The following SCFD1 variants were observed in gnomAD, a reference collection of about 807,000 sequenced individuals.
SCFD1 encodes the protein sec1 family domain-containing protein 1.
Under a neutral mutation model 103.2 loss-of-function variants are expected in SCFD1, and 37 were observed. The observed-to-expected ratio is 0.36, with a 90% confidence interval of 0.28 to 0.47. The LOEUF (loss-of-function observed/expected upper bound fraction) is 0.47. Ranked by LOEUF, SCFD1 falls within the 20% of genes least tolerant of loss-of-function variation. SCFD1 has a pLI of 1.00. For missense variants in SCFD1, 639 were observed against 761.2 expected (o/e 0.84, Z 1.89); for synonymous variants, 264 against 245.0 (o/e 1.08, Z -0.73).
chr14:30,625,080 C>T (rs1199440647), intron 1 of SCFD1, among the ~76,000 whole-genome samples: 1 of 151,396 alleles, frequency 6.6e-6, no homozygotes, highest in East Asian at 1.9e-4. Flanking sequence ...ATATGTTTTA[C>T]TTTTTTTTTA....
Position 30,643,356 on chromosome 14 carries a change from T to A in SCFD1, c.564T>A (p.Thr188=), listed in dbSNP as rs111809954. Residue 188 remains threonine (T), a synonymous_variant, in exon 7 of 25, where the codon ACT becomes ACA. Transcript: ENST00000458591. Reference sequence around the variant, plus strand: ...ATATCACAGACACGGAAATGGAAACTGTTATGGACACTATAGTTGACAGCC... The same window carrying A: ...ATATCACAGACACGGAAATGGAAACAGTTATGGACACTATAGTTGACAGCC... The part of the protein sequence containing the change: ...RPDITDTEME[T]VMDTIVDSLF... 6.2e-7 allele frequency: 1 copy of A among 1,613,716 alleles called. No individual in the cohort carries two copies. Among genetic ancestry groups the A allele is most frequent in the African/African-American group, 1.3e-5 (1 of 74,924 alleles).
chr14:30,665,798 G>T (rs981007539), intron 10 of SCFD1, among the ~76,000 whole-genome samples: 31 of 152,058 alleles, frequency 2.0e-4, no homozygotes, highest in African/African-American at 7.0e-4. Flanking sequence ...GACAAAGAAG[G>T]CCATTACATA....
chr14:30,631,359 TA>T (rs974993788), intron 3 of SCFD1, among the ~76,000 whole-genome samples: 1 of 151,788 alleles, frequency 6.6e-6, no homozygotes, highest in Non-Finnish European at 1.5e-5. Context: ...TCTCAAAATT[TA>T]AAAAAAATTA....
At chr14:30,734,545 A>G (rs1248861326) in intron 23 of SCFD1, 1 of 417,464 alleles carries the variant, frequency 2.4e-6, no homozygotes. Context: ...TTAGTGTAAT[A>G]GGAAATGGCA....
intron 10 of SCFD1, among the ~76,000 whole-genome samples, chr14:30,668,026 T>C (rs1000623998): frequency 2.0e-5 from 3 of 152,174 alleles, no homozygotes; most frequent in African/African-American, 7.2e-5. Flanking sequence ...TACCAATGAC[T>C]TTCTTCACAG....
At chr14:30,716,037 A>T (rs1594755432) in intron 20 of SCFD1, 60 bp downstream of exon 20, 1 of 912,786 alleles carries the variant, frequency 1.1e-6, no homozygotes, top group East Asian at 2.6e-5. Context: ...GACTAGTATG[A>T]AAGAGGATAA....
At chr14:30,708,214 T>C (rs542599335) in intron 19 of SCFD1, 149 bp downstream of exon 19, 275 of 600,140 alleles carry the variant, frequency 4.6e-4, no homozygotes, top group Admixed American at 1.1e-3. Flanking sequence ...AGTTCTGGGG[T>C]ACATGTGCAG....
intron 23 of SCFD1, among the ~76,000 whole-genome samples, chr14:30,729,487 T>C (rs1286640618): frequency 1.3e-5 from 2 of 152,240 alleles, no homozygotes; most frequent in East Asian, 1.9e-4. Context: ...GGCAACCTTG[T>C]TGAAAATCAC....
rs147657382 is a variant in SCFD1 at position 30,700,366 on chromosome 14, T to C, written c.1410+108T>C. The C allele has an allele frequency of 5.9e-4, 466 of 789,502 alleles. 6 individuals carry two copies. The East Asian group carries it at 0.012, about 20-fold the overall frequency. The allele number at this position is 789,502 out of a possible 1,614,324, so 48.9% of individuals were successfully genotyped here. The stretch of plus-strand genomic sequence containing the variant: ...AAATCACTGTGGCTAAATATCTGCT[T>C]CATTTCTTTCTTTAAAAGAAAAATG... On this transcript the variant is annotated intron_variant, in intron 16 of 24. Transcript: ENST00000458591.
chr14:30,718,982 C>G (rs1284422284), intron 20 of SCFD1, among the ~76,000 whole-genome samples: 1 of 152,156 alleles, frequency 6.6e-6, no homozygotes, highest in African/African-American at 2.4e-5. Flanking sequence ...TAATTAAGAA[C>G]TTGGGCATTG....
intron 10 of SCFD1, among the ~76,000 whole-genome samples, chr14:30,668,169 G>C (rs230360): frequency 0.49 from 75,014 of 151,858 alleles, 21,500 homozygotes; most frequent in African/African-American, 0.79. Context: ...CTACAGTAAC[G>C]AAAACAGCAT....
At chr14:30,658,682 CGCACCTAGCTAAGATTATAGCTAAT>C (rs1887147167) in intron 10 of SCFD1, among the ~76,000 whole-genome samples, 2 of 152,148 alleles carry the variant, frequency 1.3e-5, no homozygotes, top group Admixed American at 1.3e-4. Flanking sequence ...CGTGAGCTAA[CGCACCTAGCTAAGATTATAGCTAAT>C]GCACCTAGCT....
At chr14:30,693,136 A>G (rs970843969) in intron 14 of SCFD1, among the ~76,000 whole-genome samples, 4 of 152,236 alleles carry the variant, frequency 2.6e-5, no homozygotes, top group African/African-American at 9.6e-5. Flanking sequence ...TTCATAGATA[A>G]GAGCTCACTG....
intron 23 of SCFD1, among the ~76,000 whole-genome samples, chr14:30,733,046 C>T (rs1236881740): frequency 1.3e-5 from 2 of 150,332 alleles, no homozygotes; most frequent in Non-Finnish European, 3.0e-5. Context: ...CATTCTCTCA[C>T]CCAGGCTGGA....
intron 7 of SCFD1, among the ~76,000 whole-genome samples, chr14:30,645,845 A>G (rs997373068): frequency 6.6e-6 from 1 of 152,202 alleles, no homozygotes; most frequent in Admixed American, 6.5e-5. Flanking sequence ...TGCTTTGGCT[A>G]CGACTTCCAG....
At chr14:30,671,091 A>G (rs1312167953) in intron 11 of SCFD1, among the ~76,000 whole-genome samples, 2 of 152,114 alleles carry the variant, frequency 1.3e-5, no homozygotes, top group African/African-American at 4.8e-5. Flanking sequence ...ATATTTCAAA[A>G]TGTGTGTGTG....
intron 17 of SCFD1, among the ~76,000 whole-genome samples, chr14:30,704,714 A>G (rs1272868485): frequency 6.6e-6 from 1 of 152,154 alleles, no homozygotes. Context: ...TCCCTTATAA[A>G]ATTTTCTTTA....
intron 14 of SCFD1, among the ~76,000 whole-genome samples, chr14:30,692,509 G>A (rs977647430): frequency 4.6e-5 from 7 of 152,292 alleles, no homozygotes; most frequent in Middle Eastern, 3.4e-3. Context: ...GAAGGTAGAC[G>A]TTGAATGAGT....
chr14:30,634,500 G>A (rs1231798776), intron 4 of SCFD1, among the ~76,000 whole-genome samples: 1 of 152,006 alleles, frequency 6.6e-6, no homozygotes, highest in Non-Finnish European at 1.5e-5. Flanking sequence ...AACATATACG[G>A]TTCAGTACTA....
Sources: gnomAD v4.1 joint callset for allele counts (sites outside exome capture counted in the v4.1 genomes callset) on GRCh38, gnomAD v4.1.1 for gene constraint, MANE v1.5 for transcripts, NCBI Gene and HGNC (gene_info 2026-07-23, HGNC 2026-07-21) for gene names.